The following ANO6 variants were observed in gnomAD, a reference collection of about 807,000 sequenced individuals.
The protein encoded by ANO6 is anoctamin-6.
Under a neutral mutation model 117.5 loss-of-function variants are expected in ANO6, and 106 were observed. The observed-to-expected ratio is 0.90, with a 90% CI of 0.77 to 1.06. The LOEUF is 1.06. Among genes scored for constraint, ANO6 ranks in the 50% least tolerant of loss-of-function variants. ANO6 has a pLI of 0.00. For missense variants in ANO6, 955 were observed against 1,121.1 expected (o/e 0.85, Z 2.12); for synonymous variants, 367 against 385.1 (o/e 0.95, Z 0.55).
intron 2 of ANO6, chr12:45,313,147 T>C (rs1000337822): frequency 2.0e-5 from 3 of 152,078 alleles, no homozygotes; most frequent in Admixed American, 1.3e-4. Context: ...GATGAGGTAC[T>C]TCTGAGACTT....
chr12:45,410,140 G>T (rs143578163), intron 16 of ANO6, among the ~76,000 whole-genome samples: 20 of 152,330 alleles, frequency 1.3e-4, no homozygotes, highest in African/African-American at 4.8e-4. Context: ...ATTCAGCTTG[G>T]CCTGGAGTCC....
chr12:45,324,573 A>C (rs773957198), intron 2 of ANO6, among the ~76,000 whole-genome samples: 1 of 152,176 alleles, frequency 6.6e-6, no homozygotes, highest in Non-Finnish European at 1.5e-5. Flanking sequence ...AGCACTCTTG[A>C]GTAGCTGAAA....
At chr12:45,391,843 A>G (rs1191874375) in intron 12 of ANO6, among the ~76,000 whole-genome samples, 1 of 152,218 alleles carries the variant, frequency 6.6e-6, no homozygotes, top group Non-Finnish European at 1.5e-5. Context: ...TGGGTGACAG[A>G]GTGAGACTCT....
chr12:45,367,791 A>C lies in ANO6; in HGVS notation c.1102A>C (p.Lys368Gln). The change falls in exon 9 of 20, where the codon AAG (lysine) becomes CAG (glutamine). Residue 368 changes from lysine (K) to glutamine (Q), a missense_variant and splice_region_variant. Lys to Gln is a moderately conservative substitution (Grantham distance 53, BLOSUM62 1). Transcript: ENST00000320560. ...ACTCAATATTACTTGCGAGTCCTCA[A>C]AGGTAATTTTTGCTATTGCCAATAT... ...WKLNITCESSKKLCIFDSFGT... is the reference protein window; with the variant it reads ...WKLNITCESSQKLCIFDSFGT... The C allele has an allele frequency of 6.2e-7, 1 of 1,612,474 alleles. No individual in the cohort carries two copies. The highest frequency in any genetic ancestry group is 8.5e-7 in the Non-Finnish European group (1 of 1,178,900).
In ANO6 at chr12:45,409,501, G is replaced by T. The variant is rs747008638; in HGVS notation, c.2011+14G>T. 1.9e-6 allele frequency: 3 copies of T among 1,611,874 alleles called. No individual in the cohort carries two copies. The highest frequency in any genetic ancestry group is 2.5e-6 in the Non-Finnish European group (3 of 1,179,354). ...ATCTTGAAATGAGTAAGTTGTTAGT[G>T]AAGTTTTTAGTGATATAAAACATGT... On this transcript the variant is annotated intron_variant, in intron 16 of 19. Transcript: ENST00000320560.
intron 1 of ANO6, among the ~76,000 whole-genome samples, chr12:45,219,344 TA>T (rs944731932): frequency 6.6e-6 from 1 of 152,022 alleles, no homozygotes; most frequent in Non-Finnish European, 1.5e-5. Flanking sequence ...ATTGTACTTT[TA>T]TTTATTCATT....
intron 8 of ANO6, among the ~76,000 whole-genome samples, chr12:45,365,607 G>C (rs1941665006): frequency 6.6e-6 from 1 of 152,098 alleles, no homozygotes; most frequent in Admixed American, 6.6e-5. Flanking sequence ...TGGGGTTTTG[G>C]GGGTAGCTTT....
chr12:45,283,949 C>T (rs1938824794), intron 1 of ANO6, among the ~76,000 whole-genome samples: 1 of 152,182 alleles, frequency 6.6e-6, no homozygotes, highest in East Asian at 1.9e-4. Context: ...CAAAGGAAAA[C>T]TTCCCCTTTG....
chr12:45,304,471 A>G lies in ANO6; in HGVS notation c.150+2378A>G, dbSNP rs1296764438. Among the ~76,000 whole-genome samples, 3 of 152,330 alleles carry G rather than the reference A, an allele frequency of 2.0e-5. No individual in the cohort carries two copies. The East Asian group carries it at 5.8e-4, about 29-fold the overall frequency. ...TGAAGAAAGAAGACTGAAAAGAGGA[A>G]TAAAAGGAGGTGAAAAATCAATATT... On this transcript the variant is annotated intron_variant, in intron 2 of 19. Coordinates refer to ENST00000320560, the MANE Select transcript of ANO6 (RefSeq NM_001025356.3).
At chr12:45,322,658 C>T (rs186754080) in intron 2 of ANO6, among the ~76,000 whole-genome samples, 3 of 151,966 alleles carry the variant, frequency 2.0e-5, no homozygotes, top group East Asian at 1.9e-4. Flanking sequence ...TCATTAGTAG[C>T]GGTCAAGAGC....
rs1412408093 is a variant in ANO6 at position 45,430,597 on chromosome 12, A to G, written c.*1286A>G. The G allele has an allele frequency of 6.7e-5, 66 of 985,272 alleles. No individual in the cohort carries two copies. The highest frequency in any genetic ancestry group is 9.4e-5 in the South Asian group (2 of 21,286). The allele number at this position is 985,272 out of a possible 1,614,324, so 61.0% of individuals were successfully genotyped here. A position where few individuals can be genotyped will look rare whatever the true frequency, so the allele number is the denominator to read the frequency against. ...AATCAAGTAAAGAGACTCAGATTAGATTTGATTTTTTAGCCTCCTCTAGAG... is the reference window on the plus strand; with the variant it reads ...AATCAAGTAAAGAGACTCAGATTAGGTTTGATTTTTTAGCCTCCTCTAGAG... On this transcript the variant is annotated 3_prime_UTR_variant, in exon 20 of 20. Coordinates refer to ENST00000320560, the MANE Select transcript of ANO6 (RefSeq NM_001025356.3).
At chr12:45,346,940 T>A (rs1031317522) in intron 3 of ANO6, 82 bp from the exon 4 acceptor site, 1 of 1,275,592 alleles carries the variant, frequency 7.8e-7, no homozygotes, top group Non-Finnish European at 1.1e-6. Flanking sequence ...TTTGATTTTG[T>A]TATTAATATT....
intron 2 of ANO6, among the ~76,000 whole-genome samples, chr12:45,307,394 A>AGTT (rs1397037390): frequency 1.6e-4 from 24 of 152,174 alleles, no homozygotes; most frequent in Non-Finnish European, 5.9e-5. Context: ...ATTTGTTGAC[A>AGTT]GATCAAATGT....
At chr12:45,399,179 GGTTTTTTGTTTTTTTGTTTT>G (rs1411736311) in intron 12 of ANO6, among the ~76,000 whole-genome samples, 1 of 151,874 alleles carries the variant, frequency 6.6e-6, no homozygotes, top group Non-Finnish European at 1.5e-5. Flanking sequence ...AGCCAAGGGA[GGTTTTTTGTTTTTTTGTTTT>G]GTTTTTTGTT....
rs542682237 is a variant in ANO6, at chr12:45,216,102, G to T, written c.-220G>T. 1.8e-6 allele frequency: 1 copy of T among 557,054 alleles called. No individual in the cohort carries two copies. The highest frequency in any genetic ancestry group is 2.1e-5 in the South Asian group (1 of 48,210). The allele number at this position is 557,054 out of a possible 1,614,324, so 34.5% of individuals were successfully genotyped here. A position where few individuals can be genotyped will look rare whatever the true frequency, so the allele number is the denominator to read the frequency against. ...GCCGCACTGGGCATGCTCAGTCTCC[G>T]GGCTCCGCTCGGCAGGCGAGAGGCG... is the stretch of plus-strand genomic sequence containing the variant. On this transcript the variant is annotated 5_prime_UTR_variant, in exon 1 of 20. Coordinates refer to ENST00000320560, the MANE Select transcript of ANO6 (RefSeq NM_001025356.3).
At chr12:45,234,350 A>G (rs777163990) in intron 1 of ANO6, among the ~76,000 whole-genome samples, 1 of 152,184 alleles carries the variant, frequency 6.6e-6, no homozygotes, top group Non-Finnish European at 1.5e-5. Flanking sequence ...CCCTATGTAT[A>G]AGGAGTTCAT....
chr12:45,319,726 G>A (rs1268687170), intron 2 of ANO6, among the ~76,000 whole-genome samples: 35 of 152,132 alleles, frequency 2.3e-4, no homozygotes, highest in African/African-American at 9.7e-5. Context: ...GGTAGAATTC[G>A]GCTGTGAATC....
intron 12 of ANO6, among the ~76,000 whole-genome samples, chr12:45,390,843 CA>C (rs1209093293): frequency 6.6e-6 from 1 of 152,074 alleles, no homozygotes; most frequent in African/African-American, 2.4e-5. Flanking sequence ...AAATGTTGGC[CA>C]GGGGCGGTGG....
intron 1 of ANO6, among the ~76,000 whole-genome samples, chr12:45,235,697 C>T (rs1555158356): frequency 6.6e-6 from 1 of 152,180 alleles, no homozygotes; most frequent in Non-Finnish European, 1.5e-5. Context: ...TGTGCAAAAA[C>T]AGCTTCAAGA....
Sources: allele counts gnomAD v4.1 joint callset (sites outside exome capture counted in the v4.1 genomes callset), GRCh38; gene constraint gnomAD v4.1.1; transcripts MANE v1.5; gene names NCBI Gene and HGNC (gene_info 2026-07-23, HGNC 2026-07-21).